The following MYOF variants were observed in gnomAD, a reference collection of about 807,000 sequenced individuals.
MYOF encodes fer-1-like 3, myoferlin.
MYOF carries 244 observed loss-of-function variants against 284.2 expected under a neutral mutation model. The ratio of observed to expected loss-of-function variants is 0.86; its 90% confidence interval spans 0.77 to 0.95. The LOEUF (loss-of-function observed/expected upper bound fraction) is 0.95, where lower values mean the gene tolerates loss of function less well. Ranked by LOEUF, MYOF falls within the 40% of genes least tolerant of loss-of-function variation. The pLI, the probability that MYOF is intolerant of heterozygous loss-of-function variation, is 0.00. For missense variants in MYOF, 2,496 were observed against 2,560.6 expected (o/e 0.97, Z 0.54); for synonymous variants, 904 against 919.7 (o/e 0.98, Z 0.31).
At chr10:93,403,658 A>T (rs1210585603) in intron 9 of MYOF, among the ~76,000 whole-genome samples, 1 of 152,090 alleles carries the variant, frequency 6.6e-6, no homozygotes, top group Non-Finnish European at 1.5e-5. Flanking sequence ...TTCCTTTCAC[A>T]CTCTGAATTT....
At chr10:93,380,915 G>A (rs955300837) in intron 20 of MYOF, among the ~76,000 whole-genome samples, 2 of 152,162 alleles carry the variant, frequency 1.3e-5, no homozygotes, top group African/African-American at 2.4e-5. Flanking sequence ...GCTGCTTTGC[G>A]GAGCTCAGAA....
chr10:93,369,807 C>T, intron 24 of MYOF, 31 bp from the exon 25 acceptor site: 1 of 1,613,142 alleles, frequency 6.2e-7, no homozygotes, highest in Non-Finnish European at 8.5e-7. Context: ...TGTGATGTTA[C>T]ATTAGGCACA....
At chr10:93,341,788 G>C (rs896348742) in intron 38 of MYOF, 5 of 506,782 alleles carry the variant, frequency 9.9e-6, no homozygotes, top group Non-Finnish European at 1.6e-5. Context: ...AAACAATCAC[G>C]TTTGTTTAAA....
intron 2 of MYOF, among the ~76,000 whole-genome samples, chr10:93,455,263 G>A (rs1250832317): frequency 6.6e-6 from 1 of 151,188 alleles, no homozygotes; most frequent in Admixed American, 6.6e-5. Context: ...TGGGCAAGAA[G>A]AGCGAAACTC....
intron 36 of MYOF, among the ~76,000 whole-genome samples, chr10:93,348,424 T>C (rs979509387): frequency 1.3e-5 from 2 of 152,210 alleles, no homozygotes; most frequent in Non-Finnish European, 2.9e-5. Flanking sequence ...TGGGGAATCA[T>C]GAGCTGACCT....
intron 1 of MYOF, among the ~76,000 whole-genome samples, chr10:93,477,491 T>A (rs202206999): frequency 2.1e-3 from 196 of 93,214 alleles, no homozygotes; most frequent in African/African-American, 6.9e-3. Flanking sequence ...AAACTCTGTG[T>A]AAAAAAAGAA....
At position 93,381,406 on chromosome 10, in the gene MYOF, A is replaced by G; in HGVS notation, c.1699-10T>C. 4 of 1,613,918 alleles carry G rather than the reference A, an allele frequency of 2.5e-6. No homozygotes were observed. Among genetic ancestry groups the G allele is most frequent in the Non-Finnish European group, 2.5e-6 (3 of 1,179,850 alleles). ...GCCTTCGCTGGTATTTCTATAAAGTATGAGCAGACATAAGGTTCAGTGAAA... is the reference window on the plus strand; with the variant it reads ...GCCTTCGCTGGTATTTCTATAAAGTGTGAGCAGACATAAGGTTCAGTGAAA... On this transcript the variant is annotated splice_polypyrimidine_tract_variant and intron_variant, in intron 19 of 53. Transcript: ENST00000359263.
intron 5 of MYOF, among the ~76,000 whole-genome samples, chr10:93,425,545 C>A (rs1848551850): frequency 2.0e-5 from 3 of 152,082 alleles, no homozygotes; most frequent in African/African-American, 7.2e-5. Context: ...GCGGGCTATG[C>A]TGAAGAGAAG....
In MYOF at chr10:93,328,906, C is replaced by T. The variant is rs1378392232; in HGVS notation, c.4988G>A (p.Gly1663Glu). Residue 1663 changes from glycine to glutamate, a missense_variant, in exon 45 of 54, where the codon GGA becomes GAA. Coordinates refer to ENST00000359263, the MANE Select transcript of MYOF (RefSeq NM_013451.4). The part of the protein sequence containing the change: ...CGIPEEYCVS[G>E]VNTWRDQLRP... Reference sequence around the variant, plus strand: ...CAGTTGATCTCGCCAGGTATTGACTCCAGAACTGTGAATAGCATCACGTGG... The same window carrying T: ...CAGTTGATCTCGCCAGGTATTGACTTCAGAACTGTGAATAGCATCACGTGG... The T allele has an allele frequency of 8.7e-6, 14 of 1,603,386 alleles. No homozygotes were observed. The highest frequency in any genetic ancestry group is 1.2e-5 in the Non-Finnish European group (14 of 1,171,740).
At chr10:93,308,562 G>GTGAT (rs1437338292) in intron 53 of MYOF, among the ~76,000 whole-genome samples, 63 of 141,684 alleles carry the variant, frequency 4.4e-4, no homozygotes, top group African/African-American at 1.6e-3. Context: ...TCCAGCCTGG[G>GTGAT]TGATAGAGTG....
rs200551316 is a variant in MYOF at position 93,359,895 on chromosome 10, G to A, written c.3058C>T (p.Arg1020Trp). ...AAEKMYHTHR[R>W]RRLVRKRKKD... is the part of the protein sequence containing the mutation. ...TTGCGTTTTCGGACCAGCCTTCGCC[G>A]TCTATGAGTGTGGTACATTTTCTCT... Residue 1020 changes from arginine to tryptophan, a missense_variant, in exon 29 of 54, where the codon CGG becomes TGG. By Grantham distance (101) the Arg-to-Trp change is moderately radical (BLOSUM62 -3). Coordinates refer to ENST00000359263, the MANE Select transcript of MYOF (RefSeq NM_013451.4). The A allele has an allele frequency of 2.2e-5, 35 of 1,614,130 alleles. No individual in the cohort carries two copies. The East Asian group carries it at 3.1e-4, about 14-fold the overall frequency.
chr10:93,478,646 CAG>C (rs780825338), intron 1 of MYOF, among the ~76,000 whole-genome samples: 14 of 143,846 alleles, frequency 9.7e-5, no homozygotes, highest in Admixed American at 7.4e-4. Flanking sequence ...GCTTGAGAAA[CAG>C]AGTGAGGCCC....
rs754125949 is a variant in MYOF at position 93,402,219 on chromosome 10, T to C, written c.990+13A>G. Reference sequence around the variant, plus strand: ...AGTGAGAAGTGTAGAAAGTAGAGAATGTAGGGACTCACAGGAGGCTCATCT... The same window carrying C: ...AGTGAGAAGTGTAGAAAGTAGAGAACGTAGGGACTCACAGGAGGCTCATCT... On this transcript the variant is annotated intron_variant, in intron 11 of 53. Transcript: ENST00000359263. 2.1e-5 allele frequency: 33 copies of C among 1,603,676 alleles called. No homozygotes were observed. The highest frequency in any genetic ancestry group is 1.9e-4 in the South Asian group (17 of 90,906).
At chr10:93,345,438 CA>C in intron 37 of MYOF, among the ~76,000 whole-genome samples, 1 of 152,312 alleles carries the variant, frequency 6.6e-6, no homozygotes, top group Non-Finnish European at 1.5e-5. Context: ...GAGGAACCAT[CA>C]GGGGGATAGC....
At chr10:93,357,931 C>G (rs567025873) in intron 29 of MYOF, among the ~76,000 whole-genome samples, 17 of 152,046 alleles carry the variant, frequency 1.1e-4, no homozygotes, top group Non-Finnish European at 2.1e-4. Context: ...CCCTGTCAGA[C>G]GGGGATAATT....
In MYOF at chr10:93,349,958, C is replaced by G. The variant is rs1314775923; in HGVS notation, c.3933G>C (p.Trp1311Cys). 6.2e-7 allele frequency: 1 copy of G among 1,613,722 alleles called. No homozygotes were observed. The highest frequency in any genetic ancestry group is 8.5e-7 in the Non-Finnish European group (1 of 1,179,862). Residue 1311 changes from tryptophan (W) to cysteine (C), a missense_variant, in exon 36 of 54, where the codon TGG becomes TGC. Around this residue, in one of 3 missense-constraint regions of MYOF, gnomAD observed 2,436 missense variants for 2,480.7 expected, o/e 0.98. Coordinates refer to ENST00000359263, the MANE Select transcript of MYOF (RefSeq NM_013451.4). ...GGAAGTTTTTCATATTTCTTAAGCCCCAAGCTAGAATCTATGAAAACGATT... is the reference window on the plus strand; with the variant it reads ...GGAAGTTTTTCATATTTCTTAAGCCGCAAGCTAGAATCTATGAAAACGATT... Reference protein sequence around the residue: ...VQLTAIEILAWGLRNMKNFQM... With the variant: ...VQLTAIEILACGLRNMKNFQM...
At chr10:93,464,447 G>T (rs754154220) in intron 1 of MYOF, among the ~76,000 whole-genome samples, 1 of 152,248 alleles carries the variant, frequency 6.6e-6, no homozygotes. Flanking sequence ...GAAGTAACAC[G>T]ATGGTAACAC....
In MYOF at chr10:93,465,538, C is replaced by CTTTTTTTTTTTTTTTTTTTTTTT. The variant is rs71031511; in HGVS notation, c.89-8602_89-8601insAAAAAAAAAAAAAAAAAAAAAAA. ...CTTTTTTCTTTCTTTTTTTTCTTTT[C>CTTTTTTTTTTTTTTTTTTTTTTT]TTTTTTTTTTTTTTTGAGATGACTG... On this transcript the variant is annotated intron_variant, in intron 1 of 53. Coordinates refer to ENST00000359263, the MANE Select transcript of MYOF (RefSeq NM_013451.4). 5.3e-4 allele frequency among the ~76,000 whole-genome samples: 60 copies of CTTTTTTTTTTTTTTTTTTTTTTT among 112,152 alleles called. 2 individuals carry two copies. Among genetic ancestry groups the CTTTTTTTTTTTTTTTTTTTTTTT allele is most frequent in the Middle Eastern group, 5.8e-3 (1 of 172 alleles). 73.6% of individuals were successfully genotyped at this position (112,152 alleles called of 152,430 possible).
chr10:93,409,543 C>T, intron 6 of MYOF, 30 bp downstream of exon 6: 1 of 1,604,784 alleles, frequency 6.2e-7, no homozygotes, highest in Non-Finnish European at 8.5e-7. Flanking sequence ...AAAGATTAAA[C>T]AAAGAAGCAG....
Sources: allele counts gnomAD v4.1 joint callset (sites outside exome capture counted in the v4.1 genomes callset), GRCh38; gene constraint gnomAD v4.1.1; regional missense constraint gnomAD v4.1.1; transcripts MANE v1.5; gene names NCBI Gene and HGNC (gene_info 2026-07-23, HGNC 2026-07-21).